Variants in RBFOX1 observed in about 807,000 individuals in gnomAD.
RBFOX1 encodes RNA binding protein fox-1 homolog 1.
In RBFOX1, 8 loss-of-function variants were observed where a neutral mutation model predicts 57.7. The observed-to-expected ratio is 0.14, with a 90% CI of 0.08 to 0.25. The LOEUF is 0.25. RBFOX1 is among the 10% of genes least tolerant of loss of function. The pLI, the probability that RBFOX1 is intolerant of heterozygous loss-of-function variation, is 1.00. For missense variants in RBFOX1, 611 were observed against 548.5 expected, an observed-to-expected ratio of 1.11 and a Z score of -1.14; for synonymous variants, 326 against 222.4, an observed-to-expected ratio of 1.47 and a Z score of -4.15.
At chr16:5,241,753 C>T (rs1170426274) in intron 1 of RBFOX1, among the ~76,000 whole-genome samples, 1 of 152,158 alleles carries the variant, frequency 6.6e-6, no homozygotes, top group Non-Finnish European at 1.5e-5. Context: ...AGGACTGAAA[C>T]TTACGCCTTG....
intron 4 of RBFOX1, among the ~76,000 whole-genome samples, chr16:7,347,011 A>T (rs1027456010): frequency 2.0e-5 from 3 of 152,206 alleles, no homozygotes; most frequent in African/African-American, 4.8e-5. Context: ...AAAAAAGTCA[A>T]GCCAAGGAAA....
intron 2 of RBFOX1, among the ~76,000 whole-genome samples, chr16:5,534,135 G>C (rs1380545974): frequency 6.6e-6 from 1 of 152,142 alleles, no homozygotes; most frequent in Non-Finnish European, 1.5e-5. Flanking sequence ...GATTCACTGA[G>C]CCTAGTCAGG....
At chr16:6,180,387 C>G (rs905008622) in intron 1 of RBFOX1, among the ~76,000 whole-genome samples, 1 of 151,738 alleles carries the variant, frequency 6.6e-6, no homozygotes, top group South Asian at 2.1e-4. Context: ...TTCATTTTAT[C>G]TAGGTTATCT....
At chr16:6,101,919 C>A (rs1052954387) in intron 1 of RBFOX1, among the ~76,000 whole-genome samples, 1 of 151,946 alleles carries the variant, frequency 6.6e-6, no homozygotes, top group African/African-American at 2.4e-5. Context: ...GGCCAGTCCA[C>A]GAATAGTGCA....
Position 7,409,110 on chromosome 16 carries a change from G to A in RBFOX1, c.28-109037G>A, listed in dbSNP as rs115991951. ...CCCGATAACCCTGAGCTGCGCTGTC[G>A]CTCTAAGCCAGATCAGCAGAATCCG... On this transcript the variant is annotated intron_variant, in intron 4 of 15. Transcript: ENST00000550418. Among the ~76,000 whole-genome samples the A allele has an allele frequency of 4.2e-4, 64 of 152,256 alleles. 2 individuals carry two copies. The East Asian group carries it at 0.011, about 27-fold the overall frequency.
chr16:7,228,557 G>T (rs2093295408), intron 4 of RBFOX1, among the ~76,000 whole-genome samples: 1 of 152,182 alleles, frequency 6.6e-6, no homozygotes, highest in African/African-American at 2.4e-5. Context: ...GAAAACCAGA[G>T]AAGTGAAGGA....
intron 1 of RBFOX1, among the ~76,000 whole-genome samples, chr16:5,436,630 G>C (rs1448083237): frequency 2.0e-5 from 3 of 152,158 alleles, no homozygotes; most frequent in Admixed American, 6.5e-5. Context: ...TTCAGGTCAG[G>C]AGTTTGAGAC....
chr16:5,684,287 A>G (rs1266498666), intron 3 of RBFOX1, among the ~76,000 whole-genome samples: 1 of 152,126 alleles, frequency 6.6e-6, no homozygotes, highest in Non-Finnish European at 1.5e-5. Flanking sequence ...GATTTGAACT[A>G]ATAGGATATA....
chr16:5,980,078 T>G (rs2060142172), intron 4 of RBFOX1, among the ~76,000 whole-genome samples: 1 of 152,180 alleles, frequency 6.6e-6, no homozygotes, highest in Non-Finnish European at 1.5e-5. Flanking sequence ...TCCCTCTCTC[T>G]AGGAACTTAG....
At chr16:7,517,605 C>G (rs1254357064) in intron 4 of RBFOX1, among the ~76,000 whole-genome samples, 2 of 151,672 alleles carry the variant, frequency 1.3e-5, no homozygotes, top group Admixed American at 6.6e-5. Context: ...GACACTGGGA[C>G]CATTAAAAGG....
At chr16:6,270,955 A>T (rs1431492232) in intron 1 of RBFOX1, among the ~76,000 whole-genome samples, 1 of 152,248 alleles carries the variant, frequency 6.6e-6, no homozygotes, top group Non-Finnish European at 1.5e-5. Flanking sequence ...CCATGGATTA[A>T]AGAAGGAGTC....
At chr16:5,397,913 A>C (rs908051530) in intron 1 of RBFOX1, among the ~76,000 whole-genome samples, 2 of 152,232 alleles carry the variant, frequency 1.3e-5, no homozygotes, top group Non-Finnish European at 2.9e-5. Context: ...AATTATGGTA[A>C]CACTATGTGC....
intron 4 of RBFOX1, among the ~76,000 whole-genome samples, chr16:5,919,402 G>A (rs2058771819): frequency 6.6e-6 from 1 of 152,126 alleles, no homozygotes; most frequent in South Asian, 2.1e-4. Context: ...GAGTGCAATG[G>A]TGCAATCTCA....
chr16:7,069,422 C>G (rs1419847374), intron 4 of RBFOX1, among the ~76,000 whole-genome samples: 2 of 152,168 alleles, frequency 1.3e-5, no homozygotes. Flanking sequence ...TGTTCAGCTC[C>G]TACTTACAAG....
At chr16:6,488,044 C>G (rs777884795) in intron 2 of RBFOX1, among the ~76,000 whole-genome samples, 14 of 152,110 alleles carry the variant, frequency 9.2e-5, no homozygotes, top group Non-Finnish European at 1.6e-4. Flanking sequence ...ACCATTTACT[C>G]CACGCTTTCA....
chr16:6,979,803 C>G (rs1052568253), intron 3 of RBFOX1, among the ~76,000 whole-genome samples: 1 of 152,146 alleles, frequency 6.6e-6, no homozygotes, highest in South Asian at 2.1e-4. Flanking sequence ...ACCCTTTTCT[C>G]CTGCCTACAG....
chr16:6,798,325 G>A (rs183619054), intron 3 of RBFOX1, among the ~76,000 whole-genome samples: 38 of 152,250 alleles, frequency 2.5e-4, no homozygotes, highest in African/African-American at 8.7e-4. Context: ...GATAAACTCT[G>A]AAAAAGGTTA....
intron 3 of RBFOX1, among the ~76,000 whole-genome samples, chr16:7,043,912 T>C (rs1043279316): frequency 1.3e-5 from 2 of 152,174 alleles, no homozygotes; most frequent in East Asian, 3.9e-4. Context: ...CCTGGATACA[T>C]TGTCTAAAAG....
At chr16:5,402,977 G>A (rs1238210169) in intron 1 of RBFOX1, among the ~76,000 whole-genome samples, 2 of 152,270 alleles carry the variant, frequency 1.3e-5, no homozygotes, top group African/African-American at 4.8e-5. Flanking sequence ...GTACCAGACT[G>A]ATTTTATACT....
Sources: gnomAD v4.1 joint callset for allele counts (sites outside exome capture counted in the v4.1 genomes callset) on GRCh38, gnomAD v4.1.1 for gene constraint, MANE v1.5 for transcripts, NCBI Gene and HGNC (gene_info 2026-07-23, HGNC 2026-07-21) for gene names.